Variants in UBALD1 observed in about 807,000 individuals in gnomAD.
UBALD1 encodes the protein UBA-like domain-containing protein 1.
UBALD1 carries 5 observed loss-of-function variants against 16.1 expected under a neutral mutation model. The ratio of observed to expected loss-of-function variants is 0.31; its 90% CI spans 0.16 to 0.66. The LOEUF (loss-of-function observed/expected upper bound fraction) is 0.66. UBALD1 is among the 30% of genes least tolerant of loss of function. The pLI is 0.77. For synonymous variants in UBALD1, 146 were observed against 105.3 expected, an observed-to-expected ratio of 1.39 and a Z score of -2.37; for missense variants, 220 against 252.8, an observed-to-expected ratio of 0.87 and a Z score of 0.88.
Position 4,609,224 on chromosome 16 carries a change from G to T in UBALD1, c.*409C>A, listed in dbSNP as rs1195810640. 1 of 175,760 alleles carries T rather than the reference G, an allele frequency of 5.7e-6. No individual in the cohort carries two copies. Among genetic ancestry groups the T allele is most frequent in the Non-Finnish European group, 1.2e-5 (1 of 84,208 alleles). The allele number at this position is 175,760 out of a possible 1,614,324, so 10.9% of individuals were successfully genotyped here. ...ACGGCCACGCGCACACATGCGGAGAGGCTCTGCATTCCCTAGGGTGGGGGT... is the reference window on the plus strand; with the variant it reads ...ACGGCCACGCGCACACATGCGGAGATGCTCTGCATTCCCTAGGGTGGGGGT... On this transcript the variant is annotated 3_prime_UTR_variant, in exon 3 of 3. Coordinates refer to ENST00000283474, the MANE Select transcript of UBALD1 (RefSeq NM_145253.3).
In UBALD1 at chr16:4,609,978, G is replaced by A; in HGVS notation, c.189C>T (p.Cys63=). The change falls in exon 3 of 3, where the codon TGC becomes TGT. Residue 63 remains cysteine, a synonymous_variant. Transcript: ENST00000283474. ...PYSHHHHQMM[C]TPANTPATPP... ...GTGTAGCAGGGGTATTGGCGGGGGT[G>A]CACATCTGTGAGGGGAAGAGAGGAG... The A allele has an allele frequency of 1.3e-6, 2 of 1,575,086 alleles. No homozygotes were observed. Among genetic ancestry groups the A allele is most frequent in the Non-Finnish European group, 1.7e-6 (2 of 1,159,066 alleles).
intron 2 of UBALD1, chr16:4,610,242 C>A (rs1270500310): frequency 2.8e-6 from 2 of 712,262 alleles, no homozygotes; most frequent in Non-Finnish European, 5.1e-6. Flanking sequence ...GCCACAGCAT[C>A]CCCGGGGGCT....
Position 4,614,744 on chromosome 16 carries a change from C to G in UBALD1, c.54G>C (p.Val18=). The change falls in exon 1 of 3, where the codon GTG becomes GTC. Residue 18 remains valine (V), a synonymous_variant. Transcript: ENST00000283474. ...LKHQVMINQF[V]LTAGCAADQA... ...GGTCGGCCGCGCAGCCCGCCGTCAG[C>G]ACGAACTGGTTGATCATGACCTGGT... The G allele has an allele frequency of 6.4e-7, 1 of 1,561,588 alleles. No homozygotes were observed. The highest frequency in any genetic ancestry group is 8.6e-7 in the Non-Finnish European group (1 of 1,156,402).
rs140570484 is a variant in UBALD1 at position 4,609,684 on chromosome 16, T to C, written c.483A>G (p.Gln161=). ...GGGCCCTGGGTTCTGAGGTGGCCTG[T>C]TGGGGGGCCAGGGGTGGCCAGTCTG... is the stretch of plus-strand genomic sequence containing the variant. The part of the protein sequence containing the change: ...PASDWPPLAP[Q]QATSEPRAHP... Residue 161 remains glutamine, a synonymous_variant, in exon 3 of 3, where the codon CAA becomes CAG. Coordinates refer to ENST00000283474, the MANE Select transcript of UBALD1 (RefSeq NM_145253.3). 6 of 1,470,384 alleles carry C rather than the reference T, an allele frequency of 4.1e-6. No individual in the cohort carries two copies. Among genetic ancestry groups the C allele is most frequent in the South Asian group, 2.9e-5 (2 of 68,890 alleles). 91.1% of individuals were successfully genotyped at this position (1,470,384 alleles called of 1,614,324 possible).
chr16:4,614,408 G>T (rs1897396905), intron 1 of UBALD1: 1 of 334,452 alleles, frequency 3.0e-6, no homozygotes, highest in Non-Finnish European at 5.0e-6. Flanking sequence ...CGGACAAAAG[G>T]GGTGGGGGGG....
chr16:4,610,508 G>A lies in UBALD1; in HGVS notation c.168C>T (p.His56=), dbSNP rs776668892. The change falls in exon 2 of 3, where the codon CAC becomes CAT. Residue 56 remains histidine (H), a synonymous_variant. Coordinates refer to ENST00000283474, the MANE Select transcript of UBALD1 (RefSeq NM_145253.3). Reference sequence around the variant, plus strand: ...GGACACTTACCATCTGGTGGTGATGGTGGCTGTAGGGGATGTTGGTCTCCT... The same window carrying A: ...GGACACTTACCATCTGGTGGTGATGATGGCTGTAGGGGATGTTGGTCTCCT... ...FFQETNIPYS[H]HHHQMMCTPA... is the part of the protein sequence containing the mutation. 1.9e-6 allele frequency: 3 copies of A among 1,610,222 alleles called. No homozygotes were observed. Among genetic ancestry groups the A allele is most frequent in the East Asian group, 2.2e-5 (1 of 44,868 alleles).
rs539629202 is a variant in UBALD1 at position 4,612,126 on chromosome 16, G to A, written c.121-1571C>T. Among the ~76,000 whole-genome samples, 88 of 148,652 alleles carry A rather than the reference G, an allele frequency of 5.9e-4. 3 individuals are homozygous for A. The South Asian group carries it at 0.017, about 29-fold the overall frequency. On this transcript the variant is annotated intron_variant, in intron 1 of 2. Coordinates refer to ENST00000283474, the MANE Select transcript of UBALD1 (RefSeq NM_145253.3). ...TGTCACCAGGCTGGAGTGCAGTGGC[G>A]TTATCTGGGCTCACTGCAACCTTTG...
chr16:4,610,610 G>T (rs776297267), intron 1 of UBALD1, 55 bp from the exon 2 acceptor site: 1 of 1,568,262 alleles, frequency 6.4e-7, no homozygotes, highest in East Asian at 2.3e-5. Context: ...CCCTGCCGCT[G>T]CCCTTGTTCC....
Position 4,609,744 on chromosome 16 carries a change from C to G in UBALD1, c.423G>C (p.Pro141=). ...PGGPQHHQPQ[P]PLWTPTPPSP... ...AAGGGGGTGTTGGAGTCCACAGGGG[C>G]GGCTGTGGCTGGTGGTGCTGTGGGC... The change falls in exon 3 of 3, where the codon CCG becomes CCC. Residue 141 remains proline, a synonymous_variant. Coordinates refer to ENST00000283474, the MANE Select transcript of UBALD1 (RefSeq NM_145253.3). 6.7e-7 allele frequency: 1 copy of G among 1,501,502 alleles called. No homozygotes were observed. Among genetic ancestry groups the G allele is most frequent in the Non-Finnish European group, 8.9e-7 (1 of 1,128,892 alleles). The allele number at this position is 1,501,502 out of a possible 1,614,324, so 93.0% of individuals were successfully genotyped here.
At chr16:4,610,088 G>T in intron 2 of UBALD1, 105 bp from the exon 3 acceptor site, 1 of 941,908 alleles carries the variant, frequency 1.1e-6, no homozygotes, top group Non-Finnish European at 1.7e-6. Flanking sequence ...GGAAGGCTCT[G>T]TGTTCCTTCC....
At chr16:4,614,464 G>A (rs1897398360) in intron 1 of UBALD1, 9 of 686,770 alleles carry the variant, frequency 1.3e-5, no homozygotes, top group Admixed American at 4.3e-5. Context: ...CGGGGGCGGC[G>A]TATCCCCGAC....
At position 4,614,823 on chromosome 16, in the gene UBALD1, C is replaced by A; in HGVS notation, c.-26G>T. 1 of 1,481,164 alleles carries A rather than the reference C, an allele frequency of 6.8e-7. No homozygotes were observed. Among genetic ancestry groups the A allele is most frequent in the East Asian group, 2.7e-5 (1 of 36,594 alleles). The allele number at this position is 1,481,164 out of a possible 1,614,324, so 91.8% of individuals were successfully genotyped here. A position where few individuals can be genotyped will look rare whatever the true frequency, so the allele number is the denominator to read the frequency against. ...GGCGCCGCCGCGCTGCCCGCTCCGG[C>A]CTCCCTCCTCCGCCCGCGCCTCCGC... On this transcript the variant is annotated 5_prime_UTR_variant, in exon 1 of 3. Transcript: ENST00000283474.
intron 1 of UBALD1, chr16:4,614,455 G>C: frequency 1.7e-6 from 1 of 604,260 alleles, no homozygotes; most frequent in Non-Finnish European, 2.5e-6. Context: ...GCGGCCCCGC[G>C]GGGGCGGCGT....
intron 1 of UBALD1, among the ~76,000 whole-genome samples, chr16:4,613,010 GGTGCC>G: frequency 4.3e-5 from 1 of 23,288 alleles, no homozygotes; most frequent in Non-Finnish European, 3.9e-4. Flanking sequence ...ATGTGGCCTG[GGTGCC>G]AGCTGGGTGC....
intron 2 of UBALD1, 51 bp downstream of exon 2, chr16:4,610,442 G>A (rs374621756): frequency 6.4e-7 from 1 of 1,553,664 alleles, no homozygotes; most frequent in South Asian, 1.2e-5. Flanking sequence ...CACAGAACTA[G>A]CTCGGCCTCC....
chr16:4,613,762 G>A (rs925844354), intron 1 of UBALD1, among the ~76,000 whole-genome samples: 1 of 152,198 alleles, frequency 6.6e-6, no homozygotes, highest in Admixed American at 6.5e-5. Context: ...GGCAGCACAA[G>A]CCAGGAGCAC....
chr16:4,614,856 G>A lies in UBALD1; in HGVS notation c.-59C>T, dbSNP rs959216565. 7.1e-7 allele frequency: 1 copy of A among 1,418,068 alleles called. No individual in the cohort carries two copies. Among genetic ancestry groups the A allele is most frequent in the East Asian group, 2.8e-5 (1 of 35,504 alleles). The allele number at this position is 1,418,068 out of a possible 1,614,324, so 87.8% of individuals were successfully genotyped here. A position where few individuals can be genotyped will look rare whatever the true frequency, so the allele number is the denominator to read the frequency against. ...CTCCGCCCGCGCCTCCGCCTCACGC[G>A]TCCACCATTAGCGAGCCGGCTCCGG... is the stretch of plus-strand genomic sequence containing the variant. On this transcript the variant is annotated 5_prime_UTR_variant, in exon 1 of 3. The change creates a new upstream start codon in the 5' untranslated region. Transcript: ENST00000283474.
In UBALD1 at chr16:4,610,486, C is replaced by A; in HGVS notation, c.183+7G>T. On this transcript the variant is annotated splice_region_variant and intron_variant, in intron 2 of 2. Coordinates refer to ENST00000283474, the MANE Select transcript of UBALD1 (RefSeq NM_145253.3). ...AATCCAGAACTGGGGACTCCGGGGA[C>A]ACTTACCATCTGGTGGTGATGGTGG... The A allele has an allele frequency of 1.2e-6, 2 of 1,602,090 alleles. No individual in the cohort carries two copies. The highest frequency in any genetic ancestry group is 8.5e-7 in the Non-Finnish European group (1 of 1,173,864).
rs545298413 is a variant in UBALD1 at position 4,610,412 on chromosome 16, G to A, written c.183+81C>T. ...GCCTGCACCAGCGCCCTCGTACACCGGGGCCAGGGGCTGCTTATACACAGA... is the reference window on the plus strand; with the variant it reads ...GCCTGCACCAGCGCCCTCGTACACCAGGGCCAGGGGCTGCTTATACACAGA... On this transcript the variant is annotated intron_variant, in intron 2 of 2. Transcript: ENST00000283474. The A allele has an allele frequency of 1.3e-4, 191 of 1,461,714 alleles. No individual in the cohort carries two copies. The South Asian group carries it at 1.8e-3, about 14-fold the overall frequency. The allele number at this position is 1,461,714 out of a possible 1,614,324, so 90.5% of individuals were successfully genotyped here.
Sources: gnomAD v4.1 joint callset for allele counts (sites outside exome capture counted in the v4.1 genomes callset) on GRCh38, gnomAD v4.1.1 for gene constraint, MANE v1.5 for transcripts, NCBI Gene and HGNC (gene_info 2026-07-23, HGNC 2026-07-21) for gene names.